Variants in AHCTF1 observed in about 807,000 individuals in gnomAD.
AHCTF1 encodes the protein AT-hook containing transcription factor 1.
AHCTF1 carries 24 observed loss-of-function variants against 248.4 expected under a neutral mutation model. That is an observed-to-expected ratio of 0.10 (90% CI 0.07 to 0.14). AHCTF1 has a LOEUF of 0.14. Among genes scored for constraint, AHCTF1 ranks in the 10% least tolerant of loss-of-function variants. The pLI is 1.00. For synonymous variants in AHCTF1, 786 were observed against 929.8 expected (o/e 0.85, Z 2.81); for missense variants, 2,206 against 2,636.2 (o/e 0.84, Z 3.57).
intron 21 of AHCTF1, among the ~76,000 whole-genome samples, chr1:246,878,889 G>C (rs563144703): frequency 4.6e-5 from 7 of 152,258 alleles, no homozygotes; most frequent in Admixed American, 2.0e-4. Context: ...AAATTGCCTC[G>C]TGCTTCTCTT....
rs763929025 is a variant in AHCTF1 at position 246,907,689 on chromosome 1, C to T, written c.626G>A (p.Arg209His). Residue 209 changes from arginine (R) to histidine (H), a missense_variant, in exon 5 of 36, where the codon CGC becomes CAC. By Grantham distance (29) the Arg-to-His change is conservative. Around this residue, in one of 6 missense-constraint regions of AHCTF1, gnomAD observed 650 missense variants for 870.8 expected, o/e 0.75. Transcript: ENST00000648844. ...HIRESVMRQG[R>H]HLCFQLVSPT... is the part of the protein sequence containing the mutation. The stretch of plus-strand genomic sequence containing the variant: ...ACTTACTAACTGGAAACACAGATGG[C>T]GCCCTTGTCTCATTACACTTTCTCT... 1.2e-5 allele frequency: 20 copies of T among 1,613,940 alleles called. No homozygotes were observed. The highest frequency in any genetic ancestry group is 3.3e-5 in the South Asian group (3 of 91,074).
chr1:246,863,769 C>T (rs1036544330), intron 27 of AHCTF1, among the ~76,000 whole-genome samples, 155 bp downstream of exon 27: 3 of 152,242 alleles, frequency 2.0e-5, no homozygotes, highest in African/African-American at 7.2e-5. Flanking sequence ...TAATTAGCTC[C>T]GTTTTTAGAA....
At chr1:246,927,883 C>G (rs1667055239) in intron 1 of AHCTF1, among the ~76,000 whole-genome samples, 1 of 152,056 alleles carries the variant, frequency 6.6e-6, no homozygotes, top group South Asian at 2.1e-4. Context: ...CGCTGTAGTC[C>G]CAGCTACTTG....
rs1192654929 is a variant in AHCTF1 at position 246,900,599 on chromosome 1, G to C, written c.1118-130C>G. On this transcript the variant is annotated intron_variant, in intron 8 of 35. Transcript: ENST00000648844. ...CATATTTCACTTGATTCATCAAAAC[G>C]CATTTCTATCATTTGTATGTAAGAC... 3.0e-6 allele frequency: 3 copies of C among 989,450 alleles called. No homozygotes were observed. The African/African-American group carries it at 5.1e-5, about 17-fold the overall frequency. The allele number at this position is 989,450 out of a possible 1,614,324, so 61.3% of individuals were successfully genotyped here. A position where few individuals can be genotyped will look rare whatever the true frequency, so the allele number is the denominator to read the frequency against.
intron 1 of AHCTF1, among the ~76,000 whole-genome samples, chr1:246,922,232 T>C (rs1367545725): frequency 3.3e-5 from 5 of 152,084 alleles, no homozygotes; most frequent in Non-Finnish European, 7.4e-5. Flanking sequence ...TGGCAGTATG[T>C]GCCCGTAGTC....
At chr1:246,903,775 T>G (rs1032132655) in intron 7 of AHCTF1, among the ~76,000 whole-genome samples, 174 bp downstream of exon 7, 1 of 148,756 alleles carries the variant, frequency 6.7e-6, no homozygotes, top group African/African-American at 2.5e-5. Flanking sequence ...GTGGCGGAGG[T>G]TGCAGTGAGC....
chr1:246,877,438 G>A (rs1431791425), intron 21 of AHCTF1, 136 bp from the exon 22 acceptor site: 2 of 943,210 alleles, frequency 2.1e-6, no homozygotes, highest in African/African-American at 1.7e-5. Context: ...TTAAAAATTT[G>A]TTGAATACTA....
At chr1:246,868,764 C>A (rs939487963) in intron 24 of AHCTF1, among the ~76,000 whole-genome samples, 1 of 150,582 alleles carries the variant, frequency 6.6e-6, no homozygotes, top group Non-Finnish European at 1.5e-5. Flanking sequence ...TACAGAGCAG[C>A]CAATAAAAAA....
chr1:246,911,803 A>T (rs1665825073), intron 4 of AHCTF1, among the ~76,000 whole-genome samples: 1 of 152,120 alleles, frequency 6.6e-6, no homozygotes, highest in Non-Finnish European at 1.5e-5. Flanking sequence ...AGATATTTTA[A>T]AGTGCATGTA....
In AHCTF1 at chr1:246,867,252, T is replaced by C. The variant is rs755411706; in HGVS notation, c.3339A>G (p.Lys1113=). 31 of 1,585,574 alleles carry C rather than the reference T, an allele frequency of 2.0e-5. No individual in the cohort carries two copies. The African/African-American group carries it at 2.0e-4, about 10-fold the overall frequency. Reference sequence around the variant, plus strand: ...ATTTAATAAACTCTTACCTAGAAATTTTTTGTGATGCTTTTGAAATTGGTG... The same window carrying C: ...ATTTAATAAACTCTTACCTAGAAATCTTTTGTGATGCTTTTGAAATTGGTG... ...FGTPISKASQ[K]ISRLLDLVVQ... The change falls in exon 26 of 36, where the codon AAA becomes AAG. Residue 1113 remains lysine (K), a synonymous_variant. Coordinates refer to ENST00000648844, the MANE Select transcript of AHCTF1 (RefSeq NM_001323342.2).
At chr1:246,909,944 CT>C (rs912222638) in intron 4 of AHCTF1, among the ~76,000 whole-genome samples, 1 of 152,158 alleles carries the variant, frequency 6.6e-6, no homozygotes, top group African/African-American at 2.4e-5. Flanking sequence ...AATTCACCCC[CT>C]GCTGAGAACC....
intron 2 of AHCTF1, among the ~76,000 whole-genome samples, chr1:246,917,743 T>C (rs540452970): frequency 6.6e-6 from 1 of 152,322 alleles, no homozygotes; most frequent in South Asian, 2.1e-4. Flanking sequence ...TATCTTTCAT[T>C]AGAACAAGAT....
chr1:246,888,275 G>A (rs1310043622), intron 18 of AHCTF1, 42 bp from the exon 19 acceptor site: 1 of 1,612,202 alleles, frequency 6.2e-7, no homozygotes, highest in Non-Finnish European at 8.5e-7. Flanking sequence ...ATCTTATACA[G>A]TCATTCATTC....
intron 7 of AHCTF1, among the ~76,000 whole-genome samples, chr1:246,903,584 C>T (rs1219874223): frequency 6.6e-6 from 1 of 151,426 alleles, no homozygotes; most frequent in African/African-American, 2.4e-5. Flanking sequence ...AATCCCAGCA[C>T]TTTGGGAGTT....
intron 1 of AHCTF1, among the ~76,000 whole-genome samples, chr1:246,920,631 G>A (rs934678076): frequency 1.3e-5 from 2 of 152,010 alleles, no homozygotes; most frequent in African/African-American, 4.8e-5. Context: ...TTAGCCGAGC[G>A]TGGTGGCGGG....
chr1:246,875,893 A>T, intron 24 of AHCTF1, 144 bp downstream of exon 24: 2 of 771,052 alleles, frequency 2.6e-6, no homozygotes, highest in South Asian at 4.6e-5. Flanking sequence ...CATTGCAGTG[A>T]TCTGGAACCA....
chr1:246,912,376 A>G (rs1665872844), intron 4 of AHCTF1, among the ~76,000 whole-genome samples: 1 of 151,486 alleles, frequency 6.6e-6, no homozygotes, highest in African/African-American at 2.4e-5. Flanking sequence ...TCAGCTACTC[A>G]GGAGGCTGAG....
At chr1:246,844,058 T>C in intron 33 of AHCTF1, 130 bp from the exon 34 acceptor site, 1 of 564,170 alleles carries the variant, frequency 1.8e-6, no homozygotes, top group Non-Finnish European at 2.7e-6. Context: ...AAACCATTAG[T>C]ATTGCAACCT....
At chr1:246,895,223 G>A (rs537355035) in intron 13 of AHCTF1, among the ~76,000 whole-genome samples, 1 of 152,226 alleles carries the variant, frequency 6.6e-6, no homozygotes, top group South Asian at 2.1e-4. Flanking sequence ...AGGTCTCTAG[G>A]TTAGATAAAA....
Sources: gnomAD v4.1 joint callset for allele counts (sites outside exome capture counted in the v4.1 genomes callset) on GRCh38, gnomAD v4.1.1 for gene constraint, gnomAD v4.1.1 regional missense constraint, MANE v1.5 for transcripts, NCBI Gene and HGNC (gene_info 2026-07-23, HGNC 2026-07-21) for gene names.